The following RAB3GAP1 variants were observed in gnomAD, a reference collection of about 807,000 sequenced individuals.
RAB3GAP1 encodes RAB3 GTPase activating protein catalytic subunit 1, also known as rab3 GTPase-activating protein catalytic subunit.
RAB3GAP1 carries 86 observed loss-of-function variants against 130.7 expected under a neutral mutation model. The observed-to-expected ratio is 0.66, with a 90% CI of 0.55 to 0.79. The LOEUF (loss-of-function observed/expected upper bound fraction) is 0.79, where lower values mean the gene tolerates loss of function less well. Ranked by LOEUF, RAB3GAP1 falls within the 30% of genes least tolerant of loss-of-function variation. The pLI is 0.00. For synonymous variants in RAB3GAP1, 367 were observed against 401.7 expected (o/e 0.91, Z 1.03); for missense variants, 1,029 against 1,169.4 (o/e 0.88, Z 1.75).
At chr2:135,067,085 C>T (rs1236039759) in intron 3 of RAB3GAP1, among the ~76,000 whole-genome samples, 1 of 152,094 alleles carries the variant, frequency 6.6e-6, no homozygotes, top group African/African-American at 2.4e-5. Flanking sequence ...TAGAAACTTC[C>T]CAAACTAAGT....
Position 135,168,636 on chromosome 2 carries a change from CT to C in RAB3GAP1, c.2802del (p.Ala935LeufsTer86), listed in dbSNP as rs1558809289. The C allele has an allele frequency of 1.2e-6, 2 of 1,614,220 alleles. No individual in the cohort carries two copies. The highest frequency in any genetic ancestry group is 1.7e-6 in the Non-Finnish European group (2 of 1,180,044). On this transcript the variant is annotated frameshift_variant, in exon 24 of 24. Coordinates refer to ENST00000264158, the MANE Select transcript of RAB3GAP1 (RefSeq NM_012233.3). LOFTEE classifies it high-confidence loss of function. ...AACTCCGTGTCAGACTTCCCACCCCCTGCTGGCCGGGAATTCATTTTGCGCA... is the reference window on the plus strand; with the variant it reads ...AACTCCGTGTCAGACTTCCCACCCCCGCTGGCCGGGAATTCATTTTGCGCA... ...RQNSVSDFPP[P>X]AGREFILRTT...
downstream of RAB3GAP1, among the ~76,000 whole-genome samples, chr2:135,173,870 G>A (rs1049279735): frequency 2.0e-5 from 3 of 152,200 alleles, no homozygotes; most frequent in African/African-American, 7.2e-5. Flanking sequence ...ATGGTTGGAT[G>A]GATGGATGCC....
At chr2:135,062,564 AAGG>A (rs1385472216) in intron 3 of RAB3GAP1, among the ~76,000 whole-genome samples, 3 of 152,240 alleles carry the variant, frequency 2.0e-5, no homozygotes, top group Non-Finnish European at 4.4e-5. Context: ...TTACTATAAA[AAGG>A]AGTATGATTA....
intron 17 of RAB3GAP1, among the ~76,000 whole-genome samples, chr2:135,146,175 C>T (rs1310433769): frequency 1.4e-5 from 2 of 148,092 alleles, no homozygotes; most frequent in Non-Finnish European, 3.0e-5. Context: ...TGCTAGAAAC[C>T]AAGTGTATAA....
chr2:135,125,011 T>C (rs2104934311), intron 9 of RAB3GAP1, among the ~76,000 whole-genome samples: 1 of 152,328 alleles, frequency 6.6e-6, no homozygotes, highest in Middle Eastern at 3.4e-3. Flanking sequence ...TACAATTCAA[T>C]GGTATTTTAA....
intron 11 of RAB3GAP1, among the ~76,000 whole-genome samples, chr2:135,128,384 G>T (rs933222108): frequency 1.1e-4 from 16 of 152,142 alleles, no homozygotes; most frequent in African/African-American, 3.6e-4. Context: ...ACTTCATAGG[G>T]TTATTGGGAG....
At chr2:135,134,170 G>C in intron 15 of RAB3GAP1, 137 bp downstream of exon 15, 2 of 940,184 alleles carry the variant, frequency 2.1e-6, no homozygotes, top group African/African-American at 1.7e-5. Context: ...TTTATGTTCA[G>C]AGGTGTTCAC....
chr2:135,106,069 G>C (rs1033960493), intron 5 of RAB3GAP1, among the ~76,000 whole-genome samples: 21 of 149,462 alleles, frequency 1.4e-4, no homozygotes, highest in South Asian at 1.3e-3. Context: ...GGAGCGTCTC[G>C]GCCCGGCAGC....
chr2:135,158,585 T>A (rs1372081900), intron 19 of RAB3GAP1, among the ~76,000 whole-genome samples: 1 of 152,134 alleles, frequency 6.6e-6, no homozygotes, highest in African/African-American at 2.4e-5. Context: ...AGATGAGTGG[T>A]AAATGTAGAG....
rs553487518 is a variant in RAB3GAP1 at position 135,083,829 on chromosome 2, A to G, written c.151-7169A>G. Among the ~76,000 whole-genome samples, 51 of 130,232 alleles carry G rather than the reference A, an allele frequency of 3.9e-4. No individual in the cohort carries two copies. In the South Asian group the frequency reaches 0.012, roughly 31 times the overall value. The allele number at this position is 130,232 out of a possible 152,430, so 85.4% of individuals were successfully genotyped here. Reference sequence around the variant, plus strand: ...CCTAGTAGATATGAAGTAGTATCTCATTGTGGTTTTGATTTGCATTTTTCT... The same window carrying G: ...CCTAGTAGATATGAAGTAGTATCTCGTTGTGGTTTTGATTTGCATTTTTCT... On this transcript the variant is annotated intron_variant, in intron 3 of 23. Coordinates refer to ENST00000264158, the MANE Select transcript of RAB3GAP1 (RefSeq NM_012233.3).
intron 3 of RAB3GAP1, among the ~76,000 whole-genome samples, chr2:135,079,963 A>G (rs2104855778): frequency 6.6e-6 from 1 of 152,170 alleles, no homozygotes; most frequent in Admixed American, 6.5e-5. Flanking sequence ...TAAAAATACA[A>G]AAAATTAGCC....
chr2:135,111,287 TTTTC>T (rs1273339823), intron 5 of RAB3GAP1, among the ~76,000 whole-genome samples: 1 of 152,054 alleles, frequency 6.6e-6, no homozygotes, highest in East Asian at 1.9e-4. Context: ...TCATAAGTTA[TTTTC>T]TTTATTAAAA....
At chr2:135,096,038 G>A (rs1574104568) in intron 5 of RAB3GAP1, among the ~76,000 whole-genome samples, 1 of 152,316 alleles carries the variant, frequency 6.6e-6, no homozygotes, top group East Asian at 1.9e-4. Flanking sequence ...TCCACTAGGG[G>A]TCTTGGAACT....
chr2:135,119,089 TCC>T (rs1558785487), intron 7 of RAB3GAP1, among the ~76,000 whole-genome samples: 1 of 96,428 alleles, frequency 1.0e-5, no homozygotes, highest in Non-Finnish European at 2.1e-5. Context: ...CCTCCCTCCC[TCC>T]CTCCCTTCCT....
intron 17 of RAB3GAP1, among the ~76,000 whole-genome samples, chr2:135,136,403 A>G (rs1385622940): frequency 1.4e-4 from 21 of 152,218 alleles, no homozygotes; most frequent in Admixed American, 1.4e-3. Context: ...GGATTTCCCA[A>G]TGACATAGAT....
intron 5 of RAB3GAP1, among the ~76,000 whole-genome samples, chr2:135,097,963 C>T (rs1380093864): frequency 6.6e-6 from 1 of 152,148 alleles, no homozygotes; most frequent in Non-Finnish European, 1.5e-5. Flanking sequence ...CAAAACATTT[C>T]TAGAGTAGTT....
In RAB3GAP1 at chr2:135,135,904, G is replaced by A; in HGVS notation, c.1895G>A (p.Gly632Glu). 1 of 1,614,072 alleles carries A rather than the reference G, an allele frequency of 6.2e-7. No homozygotes were observed. The highest frequency in any genetic ancestry group is 1.3e-5 in the African/African-American group (1 of 75,072). The change falls in exon 17 of 24, where the codon GGA becomes GAA. Residue 632 changes from glycine to glutamate, a missense_variant. This residue lies in a region of RAB3GAP1 where 373 missense variants were observed against 493.6 expected (regional missense o/e 0.76). Coordinates refer to ENST00000264158, the MANE Select transcript of RAB3GAP1 (RefSeq NM_012233.3). ...GGGAAACTTACACTGCTGCATAATGGAGAACCTCTCTACATTCCAGTAACC... is the reference window on the plus strand; with the variant it reads ...GGGAAACTTACACTGCTGCATAATGAAGAACCTCTCTACATTCCAGTAACC... Reference protein sequence around the residue: ...QHGKLTLLHNGEPLYIPVTQE... With the variant: ...QHGKLTLLHNEEPLYIPVTQE...
rs759404907 is a variant in RAB3GAP1 at position 135,057,302 on chromosome 2, T to TG, written c.75-702dup. ...AATATTTTCTTTTTTTGTTGGGGGC[T>TG]GGGGGGGTAAATCGGAATTCCTAAT... On this transcript the variant is annotated intron_variant, in intron 2 of 23. Coordinates refer to ENST00000264158, the MANE Select transcript of RAB3GAP1 (RefSeq NM_012233.3). 5.9e-5 allele frequency among the ~76,000 whole-genome samples: 9 copies of TG among 152,128 alleles called. No individual in the cohort carries two copies. The East Asian group carries it at 7.7e-4, about 13-fold the overall frequency.
intron 9 of RAB3GAP1, among the ~76,000 whole-genome samples, chr2:135,124,786 A>G (rs1189918164): frequency 6.6e-6 from 1 of 152,200 alleles, no homozygotes; most frequent in African/African-American, 2.4e-5. Context: ...TCTGGCCATT[A>G]GCCTATTTTT....
Sources: allele counts gnomAD v4.1 joint callset (sites outside exome capture counted in the v4.1 genomes callset), GRCh38; gene constraint gnomAD v4.1.1; regional missense constraint gnomAD v4.1.1; transcripts MANE v1.5; gene names NCBI Gene and HGNC (gene_info 2026-07-23, HGNC 2026-07-21).